Variants in ANKS1B observed in about 807,000 individuals in gnomAD.
ANKS1B encodes the protein ankyrin repeat and sterile alpha motif domain-containing protein 1B.
Under a neutral mutation model 148.3 loss-of-function variants are expected in ANKS1B, and 36 were observed. That is an observed-to-expected ratio of 0.24 (90% CI 0.19 to 0.32). The LOEUF (loss-of-function observed/expected upper bound fraction) is 0.32, where lower values mean the gene tolerates loss of function less well. ANKS1B is among the 10% of genes least tolerant of loss of function. The pLI is 1.00. For missense variants in ANKS1B, 1,157 were observed against 1,542.6 expected, an observed-to-expected ratio of 0.75 and a Z score of 4.19; for synonymous variants, 542 against 560.8, an observed-to-expected ratio of 0.97 and a Z score of 0.47.
rs555844114 is a variant in ANKS1B at position 99,607,979 on chromosome 12, AAAAGTACAT to A, written c.1272+47079_1272+47087del. Reference sequence around the variant, plus strand: ...TTCAAAGCCCCCTATGAGTGGTACAAAAAGTACATAAATGAGCCTAGGCAAAAATTCAGG... The same window carrying A: ...TTCAAAGCCCCCTATGAGTGGTACAAAAATGAGCCTAGGCAAAAATTCAGG... On this transcript the variant is annotated intron_variant, in intron 9 of 26. Transcript: ENST00000683438. Among the ~76,000 whole-genome samples, 21 of 152,156 alleles carry A rather than the reference AAAAGTACAT, an allele frequency of 1.4e-4. 1 individual carries two copies. In the South Asian group the frequency reaches 2.5e-3, roughly 18 times the overall value.
chr12:98,750,213 G>T (rs1593450403), intron 26 of ANKS1B, among the ~76,000 whole-genome samples: 1 of 152,292 alleles, frequency 6.6e-6, no homozygotes, highest in East Asian at 1.9e-4. Context: ...GGGAGGACCA[G>T]GGGCTCAGAG....
chr12:98,864,515 C>T (rs562384082), intron 17 of ANKS1B, among the ~76,000 whole-genome samples: 1 of 152,192 alleles, frequency 6.6e-6, no homozygotes, highest in Non-Finnish European at 1.5e-5. Flanking sequence ...ATTACTCTTC[C>T]TAATGTGGGT....
At chr12:99,209,511 C>A (rs1228873309) in intron 14 of ANKS1B, among the ~76,000 whole-genome samples, 1 of 152,178 alleles carries the variant, frequency 6.6e-6, no homozygotes, top group Non-Finnish European at 1.5e-5. Flanking sequence ...GACCTGCTCT[C>A]TTTCTTAAGC....
chr12:99,716,517 A>C (rs2057356844), intron 8 of ANKS1B, among the ~76,000 whole-genome samples: 1 of 152,054 alleles, frequency 6.6e-6, no homozygotes, highest in East Asian at 1.9e-4. Flanking sequence ...CACCTGACCT[A>C]AAACCTAAAT....
chr12:99,111,268 G>A (rs1284243757), intron 15 of ANKS1B, among the ~76,000 whole-genome samples: 2 of 152,138 alleles, frequency 1.3e-5, no homozygotes, highest in Non-Finnish European at 2.9e-5. Flanking sequence ...TCAGAGACCT[G>A]CAAAGCTAAA....
chr12:99,893,612 G>C (rs776899723), intron 1 of ANKS1B, among the ~76,000 whole-genome samples: 18 of 151,932 alleles, frequency 1.2e-4, no homozygotes, highest in Non-Finnish European at 2.2e-4. Context: ...AATATAAATG[G>C]TCAAATCTAA....
Position 99,818,783 on chromosome 12 carries a change from G to T in ANKS1B, c.216-6472C>A, listed in dbSNP as rs1208440748. ...CTTTAAGCTAATACATGTAAGTTCAGTTAAAAACAGGAATTCTAGAAGTAT... is the reference window on the plus strand; with the variant it reads ...CTTTAAGCTAATACATGTAAGTTCATTTAAAAACAGGAATTCTAGAAGTAT... On this transcript the variant is annotated intron_variant, in intron 2 of 26. Coordinates refer to ENST00000683438, the MANE Select transcript of ANKS1B (RefSeq NM_001352186.2). Among the ~76,000 whole-genome samples the T allele has an allele frequency of 2.0e-5, 3 of 151,778 alleles. No homozygotes were observed. In the East Asian group the frequency reaches 5.8e-4, roughly 29 times the overall value.
At chr12:99,559,625 C>A (rs936717883) in intron 9 of ANKS1B, among the ~76,000 whole-genome samples, 1 of 151,986 alleles carries the variant, frequency 6.6e-6, no homozygotes, top group Non-Finnish European at 1.5e-5. Flanking sequence ...CTTGTATAAC[C>A]CTCACATAAT....
chr12:99,577,891 T>G (rs1303117995), intron 9 of ANKS1B, among the ~76,000 whole-genome samples: 1 of 152,086 alleles, frequency 6.6e-6, no homozygotes, highest in Non-Finnish European at 1.5e-5. Context: ...GCCAGCACCA[T>G]TTTGAAACCA....
intron 11 of ANKS1B, among the ~76,000 whole-genome samples, chr12:99,418,402 T>C (rs1166652292): frequency 2.0e-5 from 3 of 152,190 alleles, no homozygotes; most frequent in Non-Finnish European, 4.4e-5. Context: ...TAAATGACCT[T>C]GTATTTTTAA....
intron 9 of ANKS1B, among the ~76,000 whole-genome samples, chr12:99,587,261 G>A (rs1265576050): frequency 6.6e-6 from 1 of 152,202 alleles, no homozygotes; most frequent in African/African-American, 2.4e-5. Context: ...GGTGGTGGAA[G>A]AGTGGAAGTC....
chr12:99,632,883 A>C, intron 9 of ANKS1B, among the ~76,000 whole-genome samples: 1 of 142,386 alleles, frequency 7.0e-6, no homozygotes, highest in Non-Finnish European at 1.5e-5. Flanking sequence ...TACATCAGGT[A>C]TATCTCCTAA....
intron 12 of ANKS1B, among the ~76,000 whole-genome samples, chr12:99,364,957 C>T (rs1010452381): frequency 1.3e-5 from 2 of 152,016 alleles, no homozygotes; most frequent in South Asian, 4.2e-4. Context: ...AGAATTGGTC[C>T]CCCCACCCCA....
intron 9 of ANKS1B, among the ~76,000 whole-genome samples, chr12:99,646,364 A>G (rs1296935068): frequency 1.3e-5 from 2 of 152,192 alleles, no homozygotes; most frequent in African/African-American, 4.8e-5. Flanking sequence ...TTATGCAACT[A>G]AAGACTCAAG....
intron 11 of ANKS1B, among the ~76,000 whole-genome samples, chr12:99,433,309 T>G (rs922856185): frequency 1.9e-4 from 29 of 152,174 alleles, no homozygotes; most frequent in African/African-American, 7.0e-4. Flanking sequence ...AATACACAAG[T>G]GCGCATTCCA....
intron 9 of ANKS1B, among the ~76,000 whole-genome samples, chr12:99,554,287 C>A (rs948487741): frequency 1.3e-5 from 2 of 152,036 alleles, no homozygotes; most frequent in Admixed American, 1.3e-4. Flanking sequence ...TGAGCCAGTG[C>A]AGAAGAGTGA....
At chr12:98,764,417 A>G (rs1473026862) in intron 25 of ANKS1B, among the ~76,000 whole-genome samples, 1 of 151,998 alleles carries the variant, frequency 6.6e-6, no homozygotes, top group African/African-American at 2.4e-5. Context: ...TAGTAGAGAT[A>G]GGGTTTCACC....
intron 8 of ANKS1B, among the ~76,000 whole-genome samples, chr12:99,762,139 T>TTGAA (rs1159209384): frequency 4.6e-5 from 7 of 152,092 alleles, no homozygotes; most frequent in Non-Finnish European, 7.4e-5. Context: ...AATCTACAGA[T>TTGAA]TGAATGTATT....
chr12:99,422,141 T>C (rs1306327781), intron 11 of ANKS1B, among the ~76,000 whole-genome samples: 6 of 152,164 alleles, frequency 3.9e-5, no homozygotes, highest in Admixed American at 1.3e-4. Context: ...TGCAAGAATG[T>C]CCTAACACAC....
Sources: allele counts gnomAD v4.1 joint callset (sites outside exome capture counted in the v4.1 genomes callset), GRCh38; gene constraint gnomAD v4.1.1; transcripts MANE v1.5; gene names NCBI Gene and HGNC (gene_info 2026-07-23, HGNC 2026-07-21).